The following SGIP1 variants were observed in gnomAD, a reference collection of about 807,000 sequenced individuals.
SGIP1 encodes SH3-containing GRB2-like protein 3-interacting protein 1.
SGIP1 carries 38 observed loss-of-function variants against 107.5 expected under a neutral mutation model. The ratio of observed to expected loss-of-function variants is 0.35; its 90% CI spans 0.27 to 0.46. SGIP1 has a LOEUF of 0.46. Among genes scored for constraint, SGIP1 ranks in the 20% least tolerant of loss-of-function variants. SGIP1 has a pLI of 1.00. For synonymous variants in SGIP1, 365 were observed against 366.1 expected, an observed-to-expected ratio of 1.00 and a Z score of 0.03; for missense variants, 929 against 1,019.5, an observed-to-expected ratio of 0.91 and a Z score of 1.21.
At position 66,681,909 on chromosome 1, in the gene SGIP1, A is replaced by G. The variant is rs754721194; in HGVS notation, c.855A>G (p.Leu285=). The G allele has an allele frequency of 1.9e-6, 3 of 1,613,896 alleles. No homozygotes were observed. Among genetic ancestry groups the G allele is most frequent in the South Asian group, 2.2e-5 (2 of 90,984 alleles). ...QSATEVKIEK[L]PSINDLDSIF... ...CCACAGAGGTCAAAATTGAAAAACT[A>G]CCATCCATCAATGACTTGGACAGCA... Residue 285 remains leucine (L), a synonymous_variant, in exon 15 of 25, where the codon CTA becomes CTG. Transcript: ENST00000371037.
At chr1:66,684,235 C>T in intron 15 of SGIP1, 1 of 1,550,100 alleles carries the variant, frequency 6.5e-7, no homozygotes, top group Non-Finnish European at 8.7e-7. Context: ...GCTCTCCAGG[C>T]ACTTTTGTAA....
Position 66,635,491 on chromosome 1 carries a change from G to A in SGIP1, c.100-453G>A, listed in dbSNP as rs533552149. ...GTGTGCAGGAAAGGGCACAGATTTG[G>A]AGCTATCAGCTGTGTGTGCTGTATG... On this transcript the variant is annotated intron_variant, in intron 3 of 24. Coordinates refer to ENST00000371037, the MANE Select transcript of SGIP1 (RefSeq NM_032291.4). Among the ~76,000 whole-genome samples the A allele has an allele frequency of 9.8e-5, 15 of 152,344 alleles. No individual in the cohort carries two copies. In the East Asian group the frequency reaches 2.9e-3, roughly 29 times the overall value.
At chr1:66,703,710 CAT>C (rs977715828) in intron 18 of SGIP1, among the ~76,000 whole-genome samples, 6 of 150,298 alleles carry the variant, frequency 4.0e-5, no homozygotes, top group Non-Finnish European at 7.4e-5. Context: ...TGATCTATAT[CAT>C]ATATATTATA....
At chr1:66,650,754 T>C (rs2078595423) in intron 7 of SGIP1, among the ~76,000 whole-genome samples, 1 of 152,182 alleles carries the variant, frequency 6.6e-6, no homozygotes, top group Non-Finnish European at 1.5e-5. Flanking sequence ...TATGGTTTAA[T>C]CTTTGATGTG....
At position 66,541,048 on chromosome 1, in the gene SGIP1, C is replaced by T. The variant is rs1445095647; in HGVS notation, c.10+6680C>T. Among the ~76,000 whole-genome samples the T allele has an allele frequency of 2.6e-5, 4 of 152,334 alleles. No homozygotes were observed. In the East Asian group the frequency reaches 7.7e-4, roughly 29 times the overall value. ...ACAAATAATTCAAATGCATTACTAT[C>T]TACCTTTTATTAGTTTAATTTTTCT... On this transcript the variant is annotated intron_variant, in intron 1 of 24. Coordinates refer to ENST00000371037, the MANE Select transcript of SGIP1 (RefSeq NM_032291.4).
At chr1:66,608,704 C>T (rs1235761880) in intron 1 of SGIP1, among the ~76,000 whole-genome samples, 6 of 152,136 alleles carry the variant, frequency 3.9e-5, no homozygotes, top group African/African-American at 1.4e-4. Flanking sequence ...TTCTGATTTT[C>T]TGCTGTTTTT....
chr1:66,626,481 T>A (rs2072811025), intron 2 of SGIP1, among the ~76,000 whole-genome samples: 1 of 152,218 alleles, frequency 6.6e-6, no homozygotes, highest in South Asian at 2.1e-4. Context: ...TTTACATATT[T>A]AAGTGTCATA....
intron 11 of SGIP1, among the ~76,000 whole-genome samples, chr1:66,672,364 T>C (rs188445807): frequency 4.3e-4 from 65 of 152,326 alleles, no homozygotes; most frequent in Middle Eastern, 3.4e-3. Context: ...CATCTCATGA[T>C]ACATTCCACC....
At chr1:66,552,872 A>T (rs17434186) in intron 1 of SGIP1, among the ~76,000 whole-genome samples, 17,988 of 152,162 alleles carry the variant, frequency 0.12, 1,142 homozygotes, top group South Asian at 0.16. Context: ...TTCAACCACT[A>T]TAAGGAAAAC....
rs2062573695 is a variant in SGIP1, at chr1:66,586,104, G to A, written c.11-39743G>A. Among the ~76,000 whole-genome samples, 3 of 152,078 alleles carry A rather than the reference G, an allele frequency of 2.0e-5. No individual in the cohort carries two copies. The Middle Eastern group carries it at 0.01, about 517-fold the overall frequency. ...TTATCATTATATAATTTTGCTTTAT[G>A]CCTTCAGCAATTTTTCTTGTTCTGA... is the stretch of plus-strand genomic sequence containing the variant. On this transcript the variant is annotated intron_variant, in intron 1 of 24. Transcript: ENST00000371037.
At chr1:66,601,862 C>T (rs1391200513) in intron 1 of SGIP1, among the ~76,000 whole-genome samples, 1 of 152,158 alleles carries the variant, frequency 6.6e-6, no homozygotes, top group Admixed American at 6.5e-5. Flanking sequence ...TTGTTGCCTG[C>T]AGTTTGAAAA....
At chr1:66,685,162 C>T (rs757582436) in intron 15 of SGIP1, among the ~76,000 whole-genome samples, 10 of 152,136 alleles carry the variant, frequency 6.6e-5, no homozygotes, top group Non-Finnish European at 1.3e-4. Flanking sequence ...TAACATTAGG[C>T]CTGATTAAAC....
chr1:66,705,681 T>A (rs1437805904), intron 18 of SGIP1, among the ~76,000 whole-genome samples: 1 of 152,096 alleles, frequency 6.6e-6, no homozygotes, highest in Non-Finnish European at 1.5e-5. Flanking sequence ...GAGAATAACT[T>A]TCAGTAGTGC....
chr1:66,582,224 T>A (rs1456007146), intron 1 of SGIP1, among the ~76,000 whole-genome samples: 1 of 152,098 alleles, frequency 6.6e-6, no homozygotes, highest in Non-Finnish European at 1.5e-5. Context: ...TGAGACTAAG[T>A]GGACTAGAAT....
intron 1 of SGIP1, among the ~76,000 whole-genome samples, chr1:66,552,557 A>G (rs1486260951): frequency 1.3e-5 from 2 of 152,136 alleles, no homozygotes; most frequent in African/African-American, 4.8e-5. Context: ...ATAAGACAGC[A>G]GCCTTTTGAG....
chr1:66,667,240 A>G (rs920990797), intron 8 of SGIP1, among the ~76,000 whole-genome samples: 9 of 152,188 alleles, frequency 5.9e-5, no homozygotes, highest in Non-Finnish European at 1.0e-4. Flanking sequence ...TTGTCAGTAA[A>G]GTTTTCTTGT....
intron 19 of SGIP1, among the ~76,000 whole-genome samples, chr1:66,725,765 A>C (rs2093725551): frequency 1.3e-5 from 2 of 152,210 alleles, no homozygotes; most frequent in Non-Finnish European, 2.9e-5. Flanking sequence ...GAGAGTTTTC[A>C]GGCCTGGCAT....
chr1:66,638,195 G>A (rs1284214616), intron 4 of SGIP1, among the ~76,000 whole-genome samples: 1 of 152,122 alleles, frequency 6.6e-6, no homozygotes, highest in Non-Finnish European at 1.5e-5. Flanking sequence ...GACTGGTAAA[G>A]CAGAAATTAA....
chr1:66,543,308 G>T (rs1050390493), intron 1 of SGIP1, among the ~76,000 whole-genome samples: 2 of 152,060 alleles, frequency 1.3e-5, no homozygotes, highest in East Asian at 3.9e-4. Flanking sequence ...AGGACAGCTC[G>T]GTGTTCACTG....
Sources: allele counts gnomAD v4.1 joint callset (sites outside exome capture counted in the v4.1 genomes callset), GRCh38; gene constraint gnomAD v4.1.1; transcripts MANE v1.5; gene names NCBI Gene and HGNC (gene_info 2026-07-23, HGNC 2026-07-21).